The following RPRD1B variants were observed in gnomAD, a reference collection of about 807,000 sequenced individuals.
RPRD1B encodes the protein regulation of nuclear pre-mRNA domain containing 1B.
A neutral mutation model predicts 41.5 loss-of-function variants in RPRD1B; 11 were observed. The ratio of observed to expected loss-of-function variants is 0.27; its 90% CI spans 0.17 to 0.44. RPRD1B has a LOEUF of 0.44. Among genes scored for constraint, RPRD1B ranks in the 20% least tolerant of loss-of-function variants. The pLI is 1.00. For synonymous variants in RPRD1B, 158 were observed against 155.6 expected, an observed-to-expected ratio of 1.02 and a Z score of -0.12; for missense variants, 248 against 389.9, an observed-to-expected ratio of 0.64 and a Z score of 3.06.
intron 6 of RPRD1B, chr20:38,070,439 G>A (rs1600426467): frequency 5.1e-6 from 5 of 985,506 alleles, no homozygotes; most frequent in Non-Finnish European, 6.0e-6. Flanking sequence ...GAAAGGCAAA[G>A]GCCAAAGATA....
chr20:38,035,466 C>T (rs2073992442), intron 1 of RPRD1B, among the ~76,000 whole-genome samples: 1 of 152,210 alleles, frequency 6.6e-6, no homozygotes, highest in South Asian at 2.1e-4. Context: ...CAGGCTCAGA[C>T]TACAACAGGC....
chr20:38,052,424 A>G (rs2074195182), intron 3 of RPRD1B, among the ~76,000 whole-genome samples: 1 of 152,184 alleles, frequency 6.6e-6, no homozygotes, highest in African/African-American at 2.4e-5. Flanking sequence ...CAGTGAGATG[A>G]TAAGGGTAGA....
At chr20:38,066,541 T>TA (rs568692731) in intron 6 of RPRD1B, among the ~76,000 whole-genome samples, 842 of 152,288 alleles carry the variant, frequency 5.5e-3, no homozygotes, top group Middle Eastern at 0.01. Context: ...CTCATGTTTT[T>TA]AAAAAAATTA....
intron 1 of RPRD1B, among the ~76,000 whole-genome samples, chr20:38,038,153 T>C (rs978350230): frequency 1.3e-5 from 2 of 152,244 alleles, no homozygotes; most frequent in Non-Finnish European, 2.9e-5. Context: ...TCTTATCAGT[T>C]GGCCATCTAA....
chr20:38,056,344 A>G (rs987149999), intron 3 of RPRD1B, among the ~76,000 whole-genome samples: 1 of 152,062 alleles, frequency 6.6e-6, no homozygotes, highest in Non-Finnish European at 1.5e-5. Context: ...TGAGCTGAGA[A>G]TGTGTCACTG....
chr20:38,084,606 C>T (rs1271256028), intron 6 of RPRD1B, among the ~76,000 whole-genome samples: 13 of 152,136 alleles, frequency 8.5e-5, no homozygotes. Context: ...GCTTACTTCT[C>T]TAACCAAAAA....
intron 5 of RPRD1B, among the ~76,000 whole-genome samples, chr20:38,062,841 T>TCC (rs1568654114): frequency 5.0e-4 from 23 of 45,680 alleles, no homozygotes; most frequent in African/African-American, 1.7e-3. Context: ...CCCCCCCCTT[T>TCC]TTTTTTTTTT....
Position 38,091,449 on chromosome 20 carries a change from G to A in RPRD1B, c.*1574G>A, listed in dbSNP as rs768500919. 6.7e-5 allele frequency: 66 copies of A among 985,298 alleles called. No individual in the cohort carries two copies. The highest frequency in any genetic ancestry group is 7.7e-5 in the Non-Finnish European group (64 of 829,956). The allele number at this position is 985,298 out of a possible 1,614,324, so 61.0% of individuals were successfully genotyped here. On this transcript the variant is annotated 3_prime_UTR_variant, in exon 7 of 7. Transcript: ENST00000373433. ...GTTTAACTCTGTGTAGAACCTAGTAGTGTTTGAGCTGTTATTCAGATTTGA... is the reference window on the plus strand; with the variant it reads ...GTTTAACTCTGTGTAGAACCTAGTAATGTTTGAGCTGTTATTCAGATTTGA...
chr20:38,060,572 C>T (rs79251395), intron 5 of RPRD1B, among the ~76,000 whole-genome samples: 2,546 of 152,072 alleles, frequency 0.017, 81 homozygotes, highest in African/African-American at 0.058. Flanking sequence ...AGCAGAGACC[C>T]GAAAAATTAG....
Position 38,090,257 on chromosome 20 carries a change from C to A in RPRD1B, c.*382C>A. ...TGACAGCATTTTATCATGAAAGCAGCTTCTCCTTTCTGGGCTGGGCTTGTT... is the reference window on the plus strand; with the variant it reads ...TGACAGCATTTTATCATGAAAGCAGATTCTCCTTTCTGGGCTGGGCTTGTT... On this transcript the variant is annotated 3_prime_UTR_variant, in exon 7 of 7. Coordinates refer to ENST00000373433, the MANE Select transcript of RPRD1B (RefSeq NM_021215.4). The A allele has an allele frequency of 2.0e-6, 2 of 991,544 alleles. No individual in the cohort carries two copies. The highest frequency in any genetic ancestry group is 2.4e-6 in the Non-Finnish European group (2 of 833,500). 61.4% of individuals were successfully genotyped at this position (991,544 alleles called of 1,614,324 possible). A position where few individuals can be genotyped will look rare whatever the true frequency, so the allele number is the denominator to read the frequency against.
intron 3 of RPRD1B, among the ~76,000 whole-genome samples, chr20:38,056,158 G>A (rs768598397): frequency 1.2e-4 from 18 of 152,112 alleles, no homozygotes; most frequent in African/African-American, 2.4e-4. Context: ...AGACCAAGGC[G>A]GGTGGGTCAC....
chr20:38,079,436 G>A (rs555404002), intron 6 of RPRD1B, among the ~76,000 whole-genome samples: 3 of 152,032 alleles, frequency 2.0e-5, no homozygotes, highest in South Asian at 2.1e-4. Flanking sequence ...AAGTAGTCCC[G>A]GGTGTCTTAT....
intron 6 of RPRD1B, chr20:38,070,729 T>C: frequency 3.1e-6 from 3 of 981,304 alleles, no homozygotes; most frequent in Non-Finnish European, 3.6e-6. Flanking sequence ...TTTTCCCTTC[T>C]TAACTGTGAT....
intron 6 of RPRD1B, among the ~76,000 whole-genome samples, chr20:38,071,711 C>T (rs983038036): frequency 1.3e-5 from 2 of 152,174 alleles, no homozygotes; most frequent in Non-Finnish European, 2.9e-5. Flanking sequence ...GTTATTGTCT[C>T]TTTATTTTCG....
chr20:38,077,710 TC>T (rs895931757), intron 6 of RPRD1B, among the ~76,000 whole-genome samples: 1 of 152,128 alleles, frequency 6.6e-6, no homozygotes, highest in Non-Finnish European at 1.5e-5. Flanking sequence ...TCATCATCTG[TC>T]CCCCCTGGAT....
intron 3 of RPRD1B, among the ~76,000 whole-genome samples, chr20:38,056,491 G>A (rs1342436168): frequency 1.3e-5 from 2 of 152,232 alleles, no homozygotes; most frequent in African/African-American, 2.4e-5. Context: ...GTAGAGAACA[G>A]GAGCTACGTG....
At position 38,066,164 on chromosome 20, in the gene RPRD1B, G is replaced by A; in HGVS notation, c.739G>A (p.Glu247Lys). Reference protein sequence around the residue: ...LAEYNGRLAAELEDRRQLARM... With the variant: ...LAEYNGRLAAKLEDRRQLARM... ...AGAATATAACGGGCGCCTGGCAGCA[G>A]AACTGGAGGACCGTCGCCAGCTGGC... The change falls in exon 6 of 7, where the codon GAA becomes AAA. Residue 247 changes from glutamate (E) to lysine (K), a missense_variant. By Grantham distance (56) the Glu-to-Lys change is moderately conservative. Around this residue, in one of 5 missense-constraint regions of RPRD1B, gnomAD observed 93 missense variants for 167.2 expected, o/e 0.56. Coordinates refer to ENST00000373433, the MANE Select transcript of RPRD1B (RefSeq NM_021215.4). 6.2e-7 allele frequency: 1 copy of A among 1,614,212 alleles called. No individual in the cohort carries two copies. The highest frequency in any genetic ancestry group is 8.5e-7 in the Non-Finnish European group (1 of 1,180,032).
chr20:38,037,153 T>G (rs915727211), intron 1 of RPRD1B, among the ~76,000 whole-genome samples: 109 of 152,332 alleles, frequency 7.2e-4, no homozygotes, highest in African/African-American at 2.5e-3. Flanking sequence ...TTTATAAAAA[T>G]TAACTTTTTT....
intron 3 of RPRD1B, among the ~76,000 whole-genome samples, chr20:38,054,556 A>G (rs966802525): frequency 3.3e-5 from 5 of 152,296 alleles, no homozygotes; most frequent in East Asian, 1.9e-4. Flanking sequence ...GCAGACTGCA[A>G]CCTGTGGACT....
Sources: allele counts gnomAD v4.1 joint callset (sites outside exome capture counted in the v4.1 genomes callset), GRCh38; gene constraint gnomAD v4.1.1; regional missense constraint gnomAD v4.1.1; transcripts MANE v1.5; gene names NCBI Gene and HGNC (gene_info 2026-07-23, HGNC 2026-07-21).